POLR1B: variants seen among roughly 807,000 people sequenced by gnomAD.
The protein encoded by POLR1B is RNA polymerase I subunit B.
In POLR1B, 30 loss-of-function variants were observed where a neutral mutation model predicts 105.8. That is an observed-to-expected ratio of 0.28 (90% CI 0.21 to 0.38). The LOEUF is 0.38. Ranked by LOEUF, POLR1B falls within the 10% of genes least tolerant of loss-of-function variation. The pLI is 1.00. For synonymous variants in POLR1B, 485 were observed against 505.1 expected, an observed-to-expected ratio of 0.96 and a Z score of 0.53; for missense variants, 976 against 1,435.8, an observed-to-expected ratio of 0.68 and a Z score of 5.17.
chr2:112,557,923 G>A lies in POLR1B; in HGVS notation c.1172G>A (p.Gly391Asp), dbSNP rs1382778982. 4.5e-6 allele frequency: 6 copies of A among 1,334,148 alleles called. No individual in the cohort carries two copies. In the East Asian group the frequency reaches 1.1e-4, roughly 25 times the overall value. The allele number at this position is 1,334,148 out of a possible 1,614,324, so 82.6% of individuals were successfully genotyped here. A position where few individuals can be genotyped will look rare whatever the true frequency, so the allele number is the denominator to read the frequency against. ...FLMFLKEKLE[G>D]WLVSIKIAFD... is the part of the protein sequence containing the mutation. ...TCCTTATTTCAGGAAAAACTGGAAG[G>A]TTGGTTAGTGTCTATTAAAATAGCT... The change falls in exon 8 of 15, where the codon GGT becomes GAT. Residue 391 changes from glycine (G) to aspartate (D), a missense_variant. Coordinates refer to ENST00000263331, the MANE Select transcript of POLR1B (RefSeq NM_019014.6).
chr2:112,550,643 C>A, intron 4 of POLR1B: 1 of 555,048 alleles, frequency 1.8e-6, no homozygotes, highest in South Asian at 2.3e-5. Context: ...TGCTTAAATT[C>A]ATAGTTTCGG....
At chr2:112,564,008 T>C (rs1684148847) in intron 9 of POLR1B, among the ~76,000 whole-genome samples, 1 of 152,204 alleles carries the variant, frequency 6.6e-6, no homozygotes, top group Non-Finnish European at 1.5e-5. Context: ...GCTCTACTTC[T>C]AATTCTAGTG....
chr2:112,567,110 C>T (rs1212623609), intron 10 of POLR1B, among the ~76,000 whole-genome samples: 2 of 152,074 alleles, frequency 1.3e-5, no homozygotes, highest in African/African-American at 4.8e-5. Flanking sequence ...TTCAAGCATG[C>T]AATATAGTAT....
At chr2:112,566,217 G>GT (rs1361875320) in intron 10 of POLR1B, among the ~76,000 whole-genome samples, 1 of 152,196 alleles carries the variant, frequency 6.6e-6, no homozygotes, top group African/African-American at 2.4e-5. Context: ...GGTTTGTCCT[G>GT]TTACGACTCA....
chr2:112,546,544 CTTTTTTTTTTTTTTTTTTTT>C (rs869087985), intron 1 of POLR1B, among the ~76,000 whole-genome samples: 7 of 53,188 alleles, frequency 1.3e-4, no homozygotes, highest in Admixed American at 3.5e-4. Context: ...CTGGAGGTAG[CTTTTTTTTTTTTTTTTTTTT>C]TTTTTTTTTT....
intron 9 of POLR1B, 114 bp from the exon 10 acceptor site, chr2:112,564,252 C>T (rs1461821201): frequency 7.9e-7 from 1 of 1,271,942 alleles, no homozygotes; most frequent in African/African-American, 1.5e-5. Context: ...GTTTTAGAGA[C>T]AAGGATAATT....
chr2:112,549,798 A>G (rs750085748), intron 4 of POLR1B, among the ~76,000 whole-genome samples: 13 of 152,200 alleles, frequency 8.5e-5, no homozygotes, highest in African/African-American at 1.4e-4. Context: ...TGATGATAGT[A>G]ATACTGTACT....
chr2:112,547,329 T>C, intron 2 of POLR1B, 92 bp from the exon 3 acceptor site: 4 of 1,496,258 alleles, frequency 2.7e-6, no homozygotes, highest in Non-Finnish European at 3.6e-6. Flanking sequence ...AATAATTTAA[T>C]TGATCTTCTT....
In POLR1B at chr2:112,549,439, T is replaced by C. The variant is rs78233293; in HGVS notation, c.625+40T>C. ...TTATTAGAATATTTTTTAAGGAAAA[T>C]TTAAAACTTTTTTTTTTTTTGAAGT... On this transcript the variant is annotated intron_variant, in intron 4 of 14. Coordinates refer to ENST00000263331, the MANE Select transcript of POLR1B (RefSeq NM_019014.6). 23 of 1,483,242 alleles carry C rather than the reference T, an allele frequency of 1.6e-5. No individual in the cohort carries two copies. In the South Asian group the frequency reaches 2.7e-4, roughly 18 times the overall value. 91.9% of individuals were successfully genotyped at this position (1,483,242 alleles called of 1,614,324 possible).
At chr2:112,566,131 A>G (rs1010292075) in intron 10 of POLR1B, among the ~76,000 whole-genome samples, 1 of 152,120 alleles carries the variant, frequency 6.6e-6, no homozygotes, top group Non-Finnish European at 1.5e-5. Flanking sequence ...TGGGAATCAC[A>G]GCTCTCCTGT....
chr2:112,558,617 AT>A lies in POLR1B; in HGVS notation c.1330+548del, dbSNP rs869165766. On this transcript the variant is annotated intron_variant, in intron 8 of 14. Transcript: ENST00000263331. The stretch of plus-strand genomic sequence containing the variant: ...AAAAAGTGGTAATTGGGAATTCAGA[AT>A]TTTTTTTTTTTCTTTTTTGAGTCAG... 3.3e-3 allele frequency among the ~76,000 whole-genome samples: 488 copies of A among 146,616 alleles called. 3 individuals are homozygous for A. Among genetic ancestry groups the A allele is most frequent in the African/African-American group, 0.011 (428 of 40,270 alleles).
chr2:112,552,821 A>G lies in POLR1B; in HGVS notation c.1158+5A>G, dbSNP rs765476484. ...CTCTTCCTTATGTTCCTGAAGGTAA[A>G]TGCATGCTATGTCCACCCTTGGCCA... On this transcript the variant is annotated splice_donor_5th_base_variant and intron_variant, in intron 7 of 14. Transcript: ENST00000263331. 1.3e-6 allele frequency: 2 copies of G among 1,572,906 alleles called. No homozygotes were observed. Among genetic ancestry groups the G allele is most frequent in the Non-Finnish European group, 1.7e-6 (2 of 1,160,066 alleles).
At chr2:112,568,310 A>G (rs1266628613) in intron 11 of POLR1B, among the ~76,000 whole-genome samples, 173 bp downstream of exon 11, 4 of 152,168 alleles carry the variant, frequency 2.6e-5, no homozygotes, top group African/African-American at 7.2e-5. Flanking sequence ...AGCAATTTCC[A>G]TGTCTGATCT....
rs193212298 is a variant in POLR1B, at chr2:112,555,477, G to A, written c.1159-2433G>A. The stretch of plus-strand genomic sequence containing the variant: ...GCAAACAGCCCAGAGACAAAACTTC[G>A]TCTCTACAAATAATTTTAAAAAAAT... On this transcript the variant is annotated intron_variant, in intron 7 of 14. Transcript: ENST00000263331. 6.4e-4 allele frequency among the ~76,000 whole-genome samples: 97 copies of A among 152,190 alleles called. 1 individual carries two copies. Among genetic ancestry groups the A allele is most frequent in the Middle Eastern group, 3.4e-3 (1 of 294 alleles).
rs148604635 is a variant in POLR1B at position 112,575,718 on chromosome 2, G to C, written c.3397G>C (p.Asp1133His). 3 of 1,608,850 alleles carry C rather than the reference G, an allele frequency of 1.9e-6. No individual in the cohort carries two copies. Among genetic ancestry groups the C allele is most frequent in the African/African-American group, 2.7e-5 (2 of 74,868 alleles). Residue 1133 changes from aspartate to histidine, a missense_variant, in exon 15 of 15, where the codon GAT becomes CAT. Physicochemically the swap from Asp to His is moderately conservative, Grantham distance 81 (BLOSUM62 -1). This residue lies in a region of POLR1B where 77 missense variants were observed against 104.5 expected (regional missense o/e 0.74). Transcript: ENST00000263331. The surrounding 1 kb of genome is among the most constrained non-coding windows in gnomAD (Gnocchi z 5.3). The part of the protein sequence containing the change: ...LAAMNIKVKL[D>H]VV ...AGCTATGAACATCAAAGTGAAACTG[G>C]ATGTTGTTTAACTTGATGTTGACCT...
rs1684994831 is a variant in POLR1B, at chr2:112,579,240, A to AG, written c.*3513dup. Among the ~76,000 whole-genome samples, 1 of 141,784 alleles carries AG rather than the reference A, an allele frequency of 7.1e-6. No homozygotes were observed. Among genetic ancestry groups the AG allele is most frequent in the African/African-American group, 2.6e-5 (1 of 38,270 alleles). 93.0% of individuals were successfully genotyped at this position (141,784 alleles called of 152,430 possible). ...AAAAAAAAAAAAAAAAAAAAAAAAA[A>AG]GGAAAGCAAAATTGTAGATAAGGAG... On this transcript the variant is annotated 3_prime_UTR_variant, in exon 15 of 15. Coordinates refer to ENST00000263331, the MANE Select transcript of POLR1B (RefSeq NM_019014.6).
Position 112,547,546 on chromosome 2 carries a change from T to C in POLR1B, c.471T>C (p.Ile157=). The change falls in exon 3 of 15, where the codon ATT becomes ATC. Residue 157 remains isoleucine (I), a synonymous_variant. Transcript: ENST00000263331. ...NLRNLPPQAL[I]EHHEEAEEMG... is the part of the protein sequence containing the mutation. ...GTAACCTTCCCCCACAAGCCCTCAT[T>C]GAGCACCATGAGGAGGCAGAGGTAA... is the stretch of plus-strand genomic sequence containing the variant. 1 of 1,614,078 alleles carries C rather than the reference T, an allele frequency of 6.2e-7. No homozygotes were observed. Among genetic ancestry groups the C allele is most frequent in the Non-Finnish European group, 8.5e-7 (1 of 1,180,004 alleles).
intron 7 of POLR1B, among the ~76,000 whole-genome samples, chr2:112,556,317 C>G (rs1192320979): frequency 1.3e-5 from 2 of 152,222 alleles, no homozygotes; most frequent in Non-Finnish European, 2.9e-5. Context: ...TGGTAATTCC[C>G]TTATCTGTAC....
chr2:112,565,191 ATTCT>A (rs1256875820), intron 10 of POLR1B, among the ~76,000 whole-genome samples: 2 of 152,184 alleles, frequency 1.3e-5, no homozygotes, highest in African/African-American at 4.8e-5. Context: ...TAATTCTTTA[ATTCT>A]TATATTCCTA....
Sources: gnomAD v4.1 joint callset for allele counts (sites outside exome capture counted in the v4.1 genomes callset) on GRCh38, gnomAD v4.1.1 for gene constraint, gnomAD v4.1.1 regional missense constraint, Gnocchi (gnomAD v3.1) non-coding constraint, MANE v1.5 for transcripts, NCBI Gene and HGNC (gene_info 2026-07-23, HGNC 2026-07-21) for gene names.